Variants in GPC3 observed in about 807,000 individuals in gnomAD.
The protein encoded by GPC3 is glypican-3.
Under a neutral mutation model 34.4 loss-of-function variants are expected in GPC3, and 3 were observed. The ratio of observed to expected loss-of-function variants is 0.09; its 90% confidence interval spans 0.04 to 0.23. The LOEUF is 0.23. Among genes scored for constraint, GPC3 ranks in the 10% least tolerant of loss-of-function variants. The pLI is 1.00. For missense variants in GPC3, 351 were observed against 445.6 expected, an observed-to-expected ratio of 0.79 and a Z score of 1.91; for synonymous variants, 177 against 174.0, an observed-to-expected ratio of 1.02 and a Z score of -0.13.
At chrX:133,578,951 A>G (rs905595962) in intron 7 of GPC3, among the ~76,000 whole-genome samples, 2 of 110,543 alleles carry the variant, frequency 1.8e-5, no homozygotes, top group African/African-American at 6.6e-5. Context: ...ATCAAGACCA[A>G]GCTCCTTAAC....
intron 5 of GPC3, among the ~76,000 whole-genome samples, chrX:133,682,642 G>A (rs1237415057): frequency 1.8e-5 from 2 of 111,726 alleles, no homozygotes; most frequent in Non-Finnish European, 3.8e-5. Context: ...CCTGCCCAAA[G>A]CACACAGCTG....
At chrX:133,690,637 C>T (rs750666723) in intron 5 of GPC3, among the ~76,000 whole-genome samples, 1 of 111,772 alleles carries the variant, frequency 8.9e-6, no homozygotes, top group African/African-American at 3.3e-5. Flanking sequence ...CCCTACCTAG[C>T]ACCTAGCTTG....
intron 2 of GPC3, among the ~76,000 whole-genome samples, chrX:133,823,754 C>T (rs1297889439): frequency 9.1e-6 from 1 of 110,438 alleles, no homozygotes; most frequent in Non-Finnish European, 1.9e-5. Flanking sequence ...ATGAGGCGGG[C>T]AGATCACTTG....
intron 2 of GPC3, among the ~76,000 whole-genome samples, chrX:133,786,060 T>A (rs1309227962): frequency 8.9e-6 from 1 of 112,226 alleles, no homozygotes; most frequent in Non-Finnish European, 1.9e-5. Flanking sequence ...CATCAAAAGC[T>A]ACCTTAAACA....
At chrX:133,865,396 A>G (rs1023072207) in intron 2 of GPC3, among the ~76,000 whole-genome samples, 1 of 112,285 alleles carries the variant, frequency 8.9e-6, no homozygotes, top group Non-Finnish European at 1.9e-5. Context: ...CAAACAAAAT[A>G]TTGTGATTTC....
chrX:133,625,514 C>A (rs1049600209), intron 6 of GPC3, among the ~76,000 whole-genome samples: 4 of 111,669 alleles, frequency 3.6e-5, no homozygotes, highest in African/African-American at 1.3e-4. Flanking sequence ...CATTCTTATA[C>A]ACCAATAACA....
At chrX:133,690,158 C>T (rs746320161) in intron 5 of GPC3, among the ~76,000 whole-genome samples, 1 of 111,575 alleles carries the variant, frequency 9.0e-6, no homozygotes, top group African/African-American at 3.3e-5. Flanking sequence ...TTCAGTGCCT[C>T]ATTCAGGGTG....
intron 2 of GPC3, among the ~76,000 whole-genome samples, chrX:133,933,562 C>A (rs1302393268): frequency 9.0e-6 from 1 of 110,924 alleles, no homozygotes; most frequent in African/African-American, 3.3e-5. Context: ...ATTGTAATCC[C>A]CAATGCTGGA....
chrX:133,804,692 T>C (rs1427531746), intron 2 of GPC3, among the ~76,000 whole-genome samples: 1 of 111,750 alleles, frequency 8.9e-6, no homozygotes, highest in African/African-American at 3.3e-5. Context: ...ATCCCTACCT[T>C]ATGCCTCTTC....
intron 2 of GPC3, among the ~76,000 whole-genome samples, chrX:133,855,530 G>GATAGATATATATATATATATATAT (rs2075896503): frequency 1.1e-5 from 1 of 91,194 alleles, no homozygotes; most frequent in Non-Finnish European, 2.2e-5. Flanking sequence ...GCTGTTACAA[G>GATAGATATATATATATATATATAT]ATATATATAT....
intron 2 of GPC3, among the ~76,000 whole-genome samples, chrX:133,924,111 T>C (rs918091686): frequency 1.1e-4 from 12 of 112,249 alleles, no homozygotes; most frequent in African/African-American, 3.6e-4. Context: ...ATGTATTATA[T>C]ATTCTTTAAC....
chrX:133,679,456 G>A (rs2070918341), intron 5 of GPC3, among the ~76,000 whole-genome samples: 1 of 110,850 alleles, frequency 9.0e-6, no homozygotes, highest in African/African-American at 3.3e-5. Flanking sequence ...ACAAAATAGA[G>A]TTTAAGTAAT....
chrX:133,860,270 T>A (rs1469971022), intron 2 of GPC3, among the ~76,000 whole-genome samples: 1 of 111,810 alleles, frequency 8.9e-6, no homozygotes, highest in Non-Finnish European at 1.9e-5. Flanking sequence ...GTGCCATTAT[T>A]AGTACCGTTT....
intron 6 of GPC3, among the ~76,000 whole-genome samples, chrX:133,610,364 G>T (rs1454443390): frequency 9.0e-6 from 1 of 110,807 alleles, no homozygotes; most frequent in Non-Finnish European, 1.9e-5. Flanking sequence ...CAGAAGGTAA[G>T]TGTGGGAAGG....
At chrX:133,703,840 A>G (rs1482597346) in intron 3 of GPC3, among the ~76,000 whole-genome samples, 1 of 112,137 alleles carries the variant, frequency 8.9e-6, no homozygotes, top group African/African-American at 3.2e-5. Flanking sequence ...CATAAGGAAA[A>G]TACACTGCTG....
intron 7 of GPC3, among the ~76,000 whole-genome samples, chrX:133,587,650 A>G (rs1056582681): frequency 8.9e-6 from 1 of 112,278 alleles, no homozygotes; most frequent in African/African-American, 3.2e-5. Context: ...AACTTAGTTT[A>G]GTTTTATTCA....
intron 2 of GPC3, among the ~76,000 whole-genome samples, chrX:133,825,808 C>T (rs2075743248): frequency 8.9e-6 from 1 of 111,757 alleles, no homozygotes; most frequent in Non-Finnish European, 1.9e-5. Context: ...ATGGCTAAGG[C>T]AGAGTTGTCA....
At position 133,790,629 on chromosome X, in the gene GPC3, C is replaced by T. The variant is rs773275734; in HGVS notation, c.338-36453G>A. The stretch of plus-strand genomic sequence containing the variant: ...AATCAGAGGTAAATAAATGCTAAAC[C>T]AGTTACCCACTCTACCCCTGTGCAG... On this transcript the variant is annotated intron_variant, in intron 2 of 7. Transcript: ENST00000370818. Among the ~76,000 whole-genome samples, 100 of 111,138 alleles carry T rather than the reference C, an allele frequency of 9.0e-4. 1 individual carries two copies. Among genetic ancestry groups the T allele is most frequent in the African/African-American group, 3.1e-3 (96 of 30,529 alleles).
chrX:133,892,639 T>C (rs1312021364), intron 2 of GPC3, among the ~76,000 whole-genome samples: 1 of 109,984 alleles, frequency 9.1e-6, no homozygotes, highest in East Asian at 2.9e-4. Flanking sequence ...TAAAACAGTA[T>C]TCCTATGGTG....
Sources: gnomAD v4.1 joint callset for allele counts (sites outside exome capture counted in the v4.1 genomes callset) on GRCh38, gnomAD v4.1.1 for gene constraint, MANE v1.5 for transcripts, NCBI Gene and HGNC (gene_info 2026-07-23, HGNC 2026-07-21) for gene names.